GRHL2: variants seen among roughly 807,000 people sequenced by gnomAD.
GRHL2 encodes the protein grainyhead-like protein 2 homolog.
In GRHL2, 21 loss-of-function variants were observed where a neutral mutation model predicts 83.8. That is an observed-to-expected ratio of 0.25 (90% CI 0.18 to 0.36). The LOEUF (loss-of-function observed/expected upper bound fraction) is 0.36. Ranked by LOEUF, GRHL2 falls within the 10% of genes least tolerant of loss-of-function variation. The probability of loss-of-function intolerance (pLI) is 1.00; values close to 1 mark genes in which losing one functional copy is unlikely to be tolerated. For missense variants in GRHL2, 623 were observed against 781.8 expected (o/e 0.80, Z 2.42); for synonymous variants, 280 against 278.9 (o/e 1.00, Z -0.04).
rs566950445 is a variant in GRHL2 at position 101,600,564 on chromosome 8, T to C, written c.1098+1413T>C. Among the ~76,000 whole-genome samples, 181 of 152,348 alleles carry C rather than the reference T, an allele frequency of 1.2e-3. 1 individual carries two copies. The highest frequency in any genetic ancestry group is 4.2e-3 in the African/African-American group (173 of 41,582). ...CCTGTTCTCTCAGAGGCTAGATTGCTGAACCTGATCGGTAAGAGGCAGTCT... is the reference window on the plus strand; with the variant it reads ...CCTGTTCTCTCAGAGGCTAGATTGCCGAACCTGATCGGTAAGAGGCAGTCT... On this transcript the variant is annotated intron_variant, in intron 8 of 15. Coordinates refer to ENST00000646743, the MANE Select transcript of GRHL2 (RefSeq NM_024915.4).
At chr8:101,547,147 G>T (rs570649016) in intron 2 of GRHL2, among the ~76,000 whole-genome samples, 8 of 152,286 alleles carry the variant, frequency 5.3e-5, no homozygotes, top group Middle Eastern at 3.4e-3. Context: ...ATATATGTTG[G>T]TGTTAAAGTT....
chr8:101,539,334 G>A (rs1234568823), intron 1 of GRHL2, among the ~76,000 whole-genome samples: 1 of 152,198 alleles, frequency 6.6e-6, no homozygotes. Flanking sequence ...CCTTCCTGCA[G>A]GACTGGGCAT....
intron 7 of GRHL2, among the ~76,000 whole-genome samples, chr8:101,593,026 A>C (rs897766817): frequency 6.6e-6 from 1 of 151,000 alleles, no homozygotes; most frequent in Admixed American, 6.6e-5. Context: ...GGCTCACTGC[A>C]ACCTGTGCCT....
chr8:101,618,991 C>T lies in GRHL2; in HGVS notation c.1099-548C>T, dbSNP rs143221182. Among the ~76,000 whole-genome samples the T allele has an allele frequency of 2.8e-3, 424 of 152,214 alleles. 1 individual carries two copies. The highest frequency in any genetic ancestry group is 9.5e-3 in the African/African-American group (395 of 41,528). ...AGACTTGGCCAGGCACGGTGGCTCA[C>T]GCCTGTCATCCCAGCACTTTAGGAG... On this transcript the variant is annotated intron_variant, in intron 8 of 15. Transcript: ENST00000646743.
Position 101,492,494 on chromosome 8 carries a change from T to C in GRHL2, c.-276T>C. ...CCACTTTCTGCTCTGTGTCTGCCCA[T>C]TGCCACGATCCAGGAGGACTCCGCG... On this transcript the variant is annotated 5_prime_UTR_variant, in exon 1 of 16. Transcript: ENST00000646743. 1 of 574,390 alleles carries C rather than the reference T, an allele frequency of 1.7e-6. No individual in the cohort carries two copies. The highest frequency in any genetic ancestry group is 3.0e-5 in the East Asian group (1 of 33,730). The allele number at this position is 574,390 out of a possible 1,614,324, so 35.6% of individuals were successfully genotyped here. A position where few individuals can be genotyped will look rare whatever the true frequency, so the allele number is the denominator to read the frequency against.
chr8:101,671,164 C>G (rs140692497), downstream of GRHL2, among the ~76,000 whole-genome samples: 1,626 of 152,282 alleles, frequency 0.011, 22 homozygotes, highest in African/African-American at 0.037. Flanking sequence ...GAGTGCCAGA[C>G]AGTGGGTGCA....
chr8:101,557,224 C>CTTT (rs34785282), intron 3 of GRHL2, among the ~76,000 whole-genome samples: 77 of 122,428 alleles, frequency 6.3e-4, no homozygotes, highest in African/African-American at 1.7e-3. Flanking sequence ...ATTAACAATA[C>CTTT]TTTTTTTTTT....
downstream of GRHL2, among the ~76,000 whole-genome samples, chr8:101,673,754 A>T (rs1054947183): frequency 5.9e-5 from 9 of 151,898 alleles, no homozygotes; most frequent in African/African-American, 2.2e-4. Context: ...CAGAATATAC[A>T]TTTTTTTCAG....
At chr8:101,678,015 T>C in the GRHL2 span, among the ~76,000 whole-genome samples, 1 of 152,088 alleles carries the variant, frequency 6.6e-6, no homozygotes, top group Admixed American at 6.6e-5. Context: ...TTCGGCCACC[T>C]CAAAAACCAG....
At chr8:101,583,880 A>T (rs1260521574) in intron 7 of GRHL2, among the ~76,000 whole-genome samples, 1 of 152,262 alleles carries the variant, frequency 6.6e-6, no homozygotes, top group Admixed American at 6.5e-5. Context: ...TAGCACACTC[A>T]TATATAACTT....
intron 4 of GRHL2, among the ~76,000 whole-genome samples, chr8:101,566,693 A>T (rs1192555303): frequency 6.6e-6 from 1 of 151,224 alleles, no homozygotes; most frequent in African/African-American, 2.4e-5. Context: ...ATCCTCCCCC[A>T]TACAACCTTA....
intron 8 of GRHL2, among the ~76,000 whole-genome samples, chr8:101,602,335 G>A (rs1466545838): frequency 6.6e-6 from 1 of 152,172 alleles, no homozygotes; most frequent in Non-Finnish European, 1.5e-5. Context: ...TTCATGTTGT[G>A]GACTTATCTA....
intron 1 of GRHL2, among the ~76,000 whole-genome samples, chr8:101,535,235 T>G (rs1310614148): frequency 6.6e-6 from 1 of 152,170 alleles, no homozygotes; most frequent in East Asian, 1.9e-4. Flanking sequence ...ACACTTTAGA[T>G]GTAAGAGCCT....
intron 12 of GRHL2, among the ~76,000 whole-genome samples, chr8:101,638,807 C>G (rs1754961569): frequency 6.6e-6 from 1 of 152,184 alleles, no homozygotes. Flanking sequence ...CAATTCTAAT[C>G]AGTAATTCCC....
At chr8:101,494,533 C>T (rs1396760941) in intron 1 of GRHL2, among the ~76,000 whole-genome samples, 1 of 152,130 alleles carries the variant, frequency 6.6e-6, no homozygotes, top group Admixed American at 6.5e-5. Flanking sequence ...CAAGGAAACA[C>T]GACTCGAGTT....
chr8:101,582,762 C>G (rs1305143866), intron 7 of GRHL2, among the ~76,000 whole-genome samples: 2 of 152,194 alleles, frequency 1.3e-5, no homozygotes, highest in Non-Finnish European at 2.9e-5. Context: ...AAGTGGAGCT[C>G]AGAGTTTCTT....
intron 15 of GRHL2, among the ~76,000 whole-genome samples, chr8:101,665,527 C>T (rs907828936): frequency 2.0e-5 from 3 of 152,180 alleles, no homozygotes; most frequent in African/African-American, 7.2e-5. Context: ...CGTTATACTT[C>T]TTGCCGAGGT....
At chr8:101,515,593 A>C (rs1810556790) in intron 1 of GRHL2, among the ~76,000 whole-genome samples, 1 of 152,176 alleles carries the variant, frequency 6.6e-6, no homozygotes, top group Non-Finnish European at 1.5e-5. Context: ...AAGTGTTTTC[A>C]CATGGAAGCC....
chr8:101,559,888 A>T (rs1438937952), intron 4 of GRHL2, among the ~76,000 whole-genome samples: 1 of 152,206 alleles, frequency 6.6e-6, no homozygotes, highest in East Asian at 1.9e-4. Flanking sequence ...GCCTACTGTC[A>T]CTATAGTTTT....
Sources: allele counts gnomAD v4.1 joint callset (sites outside exome capture counted in the v4.1 genomes callset), GRCh38; gene constraint gnomAD v4.1.1; transcripts MANE v1.5; gene names NCBI Gene and HGNC (gene_info 2026-07-23, HGNC 2026-07-21).